The following CREG2 variants were observed in gnomAD, a reference collection of about 807,000 sequenced individuals.
The protein encoded by CREG2 is protein CREG2.
Under a neutral mutation model 26.2 loss-of-function variants are expected in CREG2, and 24 were observed. The observed-to-expected ratio is 0.92, with a 90% CI of 0.66 to 1.29. The LOEUF (loss-of-function observed/expected upper bound fraction) is 1.29. Ranked by LOEUF, CREG2 falls within the 50% of genes most tolerant of loss-of-function variation. CREG2 has a pLI of 0.00. For synonymous variants in CREG2, 174 were observed against 169.2 expected, an observed-to-expected ratio of 1.03 and a Z score of -0.22; for missense variants, 366 against 398.6, an observed-to-expected ratio of 0.92 and a Z score of 0.70.
intron 2 of CREG2, 37 bp from the exon 3 acceptor site, chr2:101,355,403 G>T: frequency 7.6e-7 from 1 of 1,316,640 alleles, no homozygotes; most frequent in Non-Finnish European, 1.1e-6. Context: ...ATCAGAACAA[G>T]GACAGAACAT....
intron 2 of CREG2, chr2:101,375,717 C>T (rs910686272): frequency 8.3e-5 from 14 of 168,536 alleles, no homozygotes; most frequent in African/African-American, 2.9e-4. Flanking sequence ...GGGTGGGGTG[C>T]GGCACATTCA....
intron 3 of CREG2, among the ~76,000 whole-genome samples, chr2:101,354,913 C>T (rs990136932): frequency 6.6e-6 from 1 of 152,076 alleles, no homozygotes; most frequent in African/African-American, 2.4e-5. Context: ...CTGGCATCCC[C>T]AGCAGGCAAT....
At chr2:101,382,362 G>T in intron 2 of CREG2, 1 of 389,004 alleles carries the variant, frequency 2.6e-6, no homozygotes, top group Non-Finnish European at 3.5e-6. Flanking sequence ...GAGGTTCACG[G>T]TTGCAGTGAA....
rs969684254 is a variant in CREG2 at position 101,386,970 on chromosome 2, C to A, written c.441+47G>T. ...CACGTCCCTGTCCCCGTCCCCCGGC[C>A]GCCGCCTGAATGCCAGGCCCCCTCG... On this transcript the variant is annotated intron_variant, in intron 1 of 3. Transcript: ENST00000324768. The A allele has an allele frequency of 6.6e-5, 81 of 1,230,702 alleles. No homozygotes were observed. The East Asian group carries it at 1.7e-3, about 26-fold the overall frequency. The allele number at this position is 1,230,702 out of a possible 1,614,324, so 76.2% of individuals were successfully genotyped here. A position where few individuals can be genotyped will look rare whatever the true frequency, so the allele number is the denominator to read the frequency against.
intron 2 of CREG2, 29 bp downstream of exon 2, chr2:101,383,504 C>T (rs551470301): frequency 2.1e-5 from 34 of 1,611,550 alleles, no homozygotes; most frequent in Middle Eastern, 4.0e-4. Context: ...TCCCAGGACC[C>T]GTGTGAGTGA....
rs1684914000 is a variant in CREG2, at chr2:101,383,560, A to G, written c.584T>C (p.Leu195Pro). 6.2e-7 allele frequency: 1 copy of G among 1,614,010 alleles called. No individual in the cohort carries two copies. The highest frequency in any genetic ancestry group is 8.5e-7 in the Non-Finnish European group (1 of 1,180,050). ...LMKNPMASLM[L>P]PESEGEFCRK... is the part of the protein sequence containing the mutation. Reference sequence around the variant, plus strand: ...GCAGAACTCCCCTTCTGATTCTGGCAGCATCAGCGAGGCCATGGGGTTCTT... The same window carrying G: ...GCAGAACTCCCCTTCTGATTCTGGCGGCATCAGCGAGGCCATGGGGTTCTT... The change falls in exon 2 of 4, where the codon CTG becomes CCG. Residue 195 changes from leucine to proline, a missense_variant. By Grantham distance (98) the Leu-to-Pro change is moderately conservative. This residue lies in a region of CREG2 where 174 missense variants were observed against 178.2 expected (regional missense o/e 0.98). Coordinates refer to ENST00000324768, the MANE Select transcript of CREG2 (RefSeq NM_153836.4).
chr2:101,351,811 C>T lies in CREG2; in HGVS notation c.726-741G>A, dbSNP rs140464358. On this transcript the variant is annotated intron_variant, in intron 3 of 3. Coordinates refer to ENST00000324768, the MANE Select transcript of CREG2 (RefSeq NM_153836.4). ...TCTAAAAAATGTCATAAACATAATT[C>T]AAAGACCGAGTCCAAACTGGGAAAA... Among the ~76,000 whole-genome samples the T allele has an allele frequency of 6.9e-3, 1,047 of 152,186 alleles. 14 individuals carry two copies. Among genetic ancestry groups the T allele is most frequent in the African/African-American group, 0.024 (996 of 41,498 alleles).
rs888818256 is a variant in CREG2, at chr2:101,345,581, C to T, written c.*5342G>A. 3 of 152,130 alleles carry T rather than the reference C, an allele frequency of 2.0e-5. No homozygotes were observed. The highest frequency in any genetic ancestry group is 4.4e-5 in the Non-Finnish European group (3 of 68,020). 9.4% of individuals were successfully genotyped at this position (152,130 alleles called of 1,614,324 possible). ...TCATAAATTCATTTAATCAAGCACA[C>T]AAATCATATCAGGAATGAAATAGTC... On this transcript the variant is annotated 3_prime_UTR_variant, in exon 4 of 4. Transcript: ENST00000324768.
chr2:101,370,015 G>T (rs559301012), intron 2 of CREG2, among the ~76,000 whole-genome samples: 13 of 152,214 alleles, frequency 8.5e-5, no homozygotes, highest in South Asian at 2.1e-4. Context: ...TTCCACAGAG[G>T]CAGGGAATAC....
intron 2 of CREG2, among the ~76,000 whole-genome samples, chr2:101,356,983 G>A (rs1684472067): frequency 2.0e-5 from 3 of 151,840 alleles, no homozygotes; most frequent in Non-Finnish European, 1.5e-5. Flanking sequence ...TCCGCCTCCC[G>A]GGTTCAAGCA....
rs370031864 is a variant in CREG2 at position 101,378,123 on chromosome 2, C to T, written c.611+5410G>A. 1.5e-4 allele frequency among the ~76,000 whole-genome samples: 23 copies of T among 152,280 alleles called. No homozygotes were observed. The East Asian group carries it at 2.7e-3, about 18-fold the overall frequency. On this transcript the variant is annotated intron_variant, in intron 2 of 3. Transcript: ENST00000324768. Reference sequence around the variant, plus strand: ...CCCTGTAATCAACATTTCCCCATTCCCCTCTCTCGCCTGGTCCCTGGGAAC... The same window carrying T: ...CCCTGTAATCAACATTTCCCCATTCTCCTCTCTCGCCTGGTCCCTGGGAAC...
chr2:101,366,195 T>C (rs1249083613), intron 2 of CREG2, among the ~76,000 whole-genome samples: 2 of 152,210 alleles, frequency 1.3e-5, no homozygotes, highest in Non-Finnish European at 2.9e-5. Flanking sequence ...TGGCCACTTC[T>C]TCCTACTCTT....
intron 2 of CREG2, among the ~76,000 whole-genome samples, chr2:101,371,226 T>C (rs1252955284): frequency 6.6e-6 from 1 of 152,002 alleles, no homozygotes. Flanking sequence ...ATCCAGGAGG[T>C]GCCCCCTAGT....
At position 101,346,088 on chromosome 2, in the gene CREG2, C is replaced by G. The variant is rs933151651; in HGVS notation, c.*4835G>C. ...TCCTGACCTCAAGTGATCCTCCTGC[C>G]TTGGCCTCCCAAAGTGTTTGGATTA... On this transcript the variant is annotated 3_prime_UTR_variant, in exon 4 of 4. Transcript: ENST00000324768. 3 of 151,112 alleles carry G rather than the reference C, an allele frequency of 2.0e-5. No homozygotes were observed. Among genetic ancestry groups the G allele is most frequent in the African/African-American group, 4.9e-5 (2 of 41,090 alleles). 9.4% of individuals were successfully genotyped at this position (151,112 alleles called of 1,614,324 possible). A position where few individuals can be genotyped will look rare whatever the true frequency, so the allele number is the denominator to read the frequency against.
intron 2 of CREG2, among the ~76,000 whole-genome samples, chr2:101,355,769 G>T (rs1684448560): frequency 6.6e-6 from 1 of 152,138 alleles, no homozygotes; most frequent in African/African-American, 2.4e-5. Context: ...ACACAGGTGA[G>T]CAGGTTCAGG....
intron 2 of CREG2, among the ~76,000 whole-genome samples, chr2:101,371,603 C>T (rs964285560): frequency 6.6e-6 from 1 of 152,228 alleles, no homozygotes; most frequent in Non-Finnish European, 1.5e-5. Context: ...CAGGGCCCTT[C>T]CAGGCCATAA....
rs576650121 is a variant in CREG2 at position 101,374,790 on chromosome 2, A to G, written c.611+8743T>C. On this transcript the variant is annotated intron_variant, in intron 2 of 3. Transcript: ENST00000324768. ...TTAGATTGGTTTGAGGTTTTCATCT[A>G]TCATTCCACATTTTCTTCCTACCAG... is the stretch of plus-strand genomic sequence containing the variant. 8.5e-5 allele frequency among the ~76,000 whole-genome samples: 13 copies of G among 152,354 alleles called. No homozygotes were observed. The South Asian group carries it at 2.3e-3, about 27-fold the overall frequency.
chr2:101,351,091 C>T lies in CREG2; in HGVS notation c.726-21G>A, dbSNP rs1312906330. On this transcript the variant is annotated intron_variant, in intron 3 of 3. Coordinates refer to ENST00000324768, the MANE Select transcript of CREG2 (RefSeq NM_153836.4). ...GGTGCCTGCAGGAATAAAGAGAGAC[C>T]ACAGTAAAGCTGCTCTTATCAGAGA... 3.7e-6 allele frequency: 6 copies of T among 1,610,942 alleles called. No homozygotes were observed. In the African/African-American group the frequency reaches 8.0e-5, roughly 22 times the overall value.
chr2:101,366,379 C>G (rs1378459694), intron 2 of CREG2, among the ~76,000 whole-genome samples: 1 of 152,164 alleles, frequency 6.6e-6, no homozygotes, highest in Admixed American at 6.5e-5. Context: ...TCCATGACTT[C>G]CCTGATTTCT....
Sources: allele counts gnomAD v4.1 joint callset (sites outside exome capture counted in the v4.1 genomes callset), GRCh38; gene constraint gnomAD v4.1.1; regional missense constraint gnomAD v4.1.1; transcripts MANE v1.5; gene names NCBI Gene and HGNC (gene_info 2026-07-23, HGNC 2026-07-21).